C8orf34: variants seen among roughly 807,000 people sequenced by gnomAD.
C8orf34 encodes the protein chromosome 8 open reading frame 34, also known as uncharacterized protein C8orf34.
In C8orf34, 65 loss-of-function variants were observed where a neutral mutation model predicts 68.3. That is an observed-to-expected ratio of 0.95 (90% CI 0.78 to 1.17). The LOEUF (loss-of-function observed/expected upper bound fraction) is 1.17, where lower values mean the gene tolerates loss of function less well. Ranked by LOEUF, C8orf34 falls within the 50% of genes most tolerant of loss-of-function variation. The pLI, the probability that C8orf34 is intolerant of heterozygous loss-of-function variation, is 0.00. For missense variants in C8orf34, 664 were observed against 655.4 expected (o/e 1.01, Z -0.14); for synonymous variants, 244 against 241.2 (o/e 1.01, Z -0.11).
intron 3 of C8orf34, among the ~76,000 whole-genome samples, chr8:68,463,816 C>G (rs900133461): frequency 6.6e-6 from 1 of 152,152 alleles, no homozygotes; most frequent in Non-Finnish European, 1.5e-5. Flanking sequence ...CTATTTATGA[C>G]AAACCCACAG....
intron 8 of C8orf34, among the ~76,000 whole-genome samples, chr8:68,685,647 C>G (rs1012896683): frequency 2.0e-5 from 3 of 151,812 alleles, no homozygotes; most frequent in Non-Finnish European, 4.4e-5. Flanking sequence ...CTTGAGCCCA[C>G]GAGTTTGAGA....
chr8:68,350,889 C>T (rs896642781), intron 1 of C8orf34, among the ~76,000 whole-genome samples: 3 of 151,982 alleles, frequency 2.0e-5, no homozygotes, highest in South Asian at 2.1e-4. Context: ...GACAGTATAC[C>T]GTTAGGTCTT....
intron 1 of C8orf34, among the ~76,000 whole-genome samples, chr8:68,382,287 G>A (rs973047385): frequency 2.6e-5 from 4 of 152,240 alleles, no homozygotes; most frequent in African/African-American, 9.6e-5. Flanking sequence ...TTGCCAAAAT[G>A]CTTTCCAGAG....
intron 5 of C8orf34, among the ~76,000 whole-genome samples, chr8:68,494,207 A>C (rs1813427532): frequency 1.3e-5 from 2 of 152,214 alleles, no homozygotes; most frequent in South Asian, 4.1e-4. Flanking sequence ...AAAAGAAGGT[A>C]ATAGTGTTCC....
chr8:68,614,692 C>G (rs1042765678), intron 7 of C8orf34, among the ~76,000 whole-genome samples: 16 of 152,122 alleles, frequency 1.1e-4, no homozygotes, highest in African/African-American at 3.6e-4. Flanking sequence ...GTTACTGTAG[C>G]CTTGTAGTAT....
chr8:68,503,430 C>T (rs1247123121), intron 5 of C8orf34, among the ~76,000 whole-genome samples: 2 of 152,054 alleles, frequency 1.3e-5, no homozygotes, highest in African/African-American at 2.4e-5. Context: ...TGAGTTTACC[C>T]TTGAATTAAT....
intron 7 of C8orf34, among the ~76,000 whole-genome samples, chr8:68,610,875 T>TC (rs1474037674): frequency 6.6e-6 from 1 of 150,620 alleles, no homozygotes. Flanking sequence ...TTTTTTTTTT[T>TC]TTTTTTGAGA....
chr8:68,804,679 T>C (rs1352937256), intron 12 of C8orf34, among the ~76,000 whole-genome samples: 3 of 152,108 alleles, frequency 2.0e-5, no homozygotes. Flanking sequence ...CTTGGGAGGC[T>C]GAGGCAAGAG....
intron 1 of C8orf34, among the ~76,000 whole-genome samples, chr8:68,403,916 G>A (rs1025906292): frequency 6.6e-6 from 1 of 152,164 alleles, no homozygotes; most frequent in African/African-American, 2.4e-5. Context: ...GGATTACTGG[G>A]TCAAATGGTA....
intron 1 of C8orf34, among the ~76,000 whole-genome samples, chr8:68,429,554 C>T (rs1218271590): frequency 6.6e-6 from 1 of 152,206 alleles, no homozygotes; most frequent in East Asian, 1.9e-4. Flanking sequence ...AACTTGTGCA[C>T]ATGTGCACAC....
intron 4 of C8orf34, among the ~76,000 whole-genome samples, chr8:68,474,526 GA>G (rs894664424): frequency 1.3e-5 from 2 of 150,892 alleles, no homozygotes; most frequent in South Asian, 2.1e-4. Flanking sequence ...CCCTGTGTTA[GA>G]AAAAAAAAGA....
At chr8:68,791,558 A>G (rs2129529146) in intron 12 of C8orf34, 1 of 152,368 alleles carries the variant, frequency 6.6e-6, no homozygotes, top group Non-Finnish European at 1.5e-5. Context: ...AAAAACACAA[A>G]TAAATAAGCT....
At position 68,657,586 on chromosome 8, in the gene C8orf34, A is replaced by G. The variant is rs376294137; in HGVS notation, c.1241+17075A>G. 3.9e-5 allele frequency among the ~76,000 whole-genome samples: 6 copies of G among 152,326 alleles called. No homozygotes were observed. The East Asian group carries it at 5.8e-4, about 15-fold the overall frequency. On this transcript the variant is annotated intron_variant, in intron 8 of 13. Transcript: ENST00000518698. ...TAGGGCAGCCTGAATGGACTAAGAC[A>G]GTTTTCTCCATGCTTTTAAATGAAA...
intron 4 of C8orf34, among the ~76,000 whole-genome samples, chr8:68,471,879 A>G (rs1282421140): frequency 6.6e-6 from 1 of 151,704 alleles, no homozygotes; most frequent in Non-Finnish European, 1.5e-5. Context: ...TCTCAAAATG[A>G]TAGTTATTTC....
At chr8:68,623,493 C>A (rs962688379) in intron 7 of C8orf34, among the ~76,000 whole-genome samples, 1 of 152,102 alleles carries the variant, frequency 6.6e-6, no homozygotes, top group Non-Finnish European at 1.5e-5. Flanking sequence ...AAAAATCACC[C>A]GTGGTTGACA....
chr8:68,466,821 G>A (rs1345939092), intron 3 of C8orf34, among the ~76,000 whole-genome samples: 1 of 146,366 alleles, frequency 6.8e-6, no homozygotes, highest in Admixed American at 6.9e-5. Flanking sequence ...TAGGTCACAG[G>A]GTCGGTGCAT....
At chr8:68,591,548 G>A (rs1817388113) in intron 7 of C8orf34, among the ~76,000 whole-genome samples, 1 of 152,168 alleles carries the variant, frequency 6.6e-6, no homozygotes, top group South Asian at 2.1e-4. Context: ...GGGAGAAGAA[G>A]CAGCTAAACT....
At chr8:68,788,926 A>G (rs964390460) in intron 12 of C8orf34, among the ~76,000 whole-genome samples, 1 of 152,200 alleles carries the variant, frequency 6.6e-6, no homozygotes, top group Non-Finnish European at 1.5e-5. Context: ...TACAAAAGCA[A>G]AGAGTATTTT....
chr8:68,662,508 A>C (rs754058878), intron 8 of C8orf34, among the ~76,000 whole-genome samples: 1 of 152,154 alleles, frequency 6.6e-6, no homozygotes, highest in Non-Finnish European at 1.5e-5. Flanking sequence ...GTTGTGGTGA[A>C]TAAGTCTCAG....
Sources: gnomAD v4.1 joint callset for allele counts (sites outside exome capture counted in the v4.1 genomes callset) on GRCh38, gnomAD v4.1.1 for gene constraint, MANE v1.5 for transcripts, NCBI Gene and HGNC (gene_info 2026-07-23, HGNC 2026-07-21) for gene names.